The following PCDHGB2 variants were observed in gnomAD, a reference collection of about 807,000 sequenced individuals.
PCDHGB2 encodes protocadherin gamma subfamily B, 2.
In PCDHGB2, 55 loss-of-function variants were observed where a neutral mutation model predicts 59.3. The observed-to-expected ratio is 0.93, with a 90% CI of 0.75 to 1.16. The LOEUF (loss-of-function observed/expected upper bound fraction) is 1.16. Among genes scored for constraint, PCDHGB2 ranks in the 50% most tolerant of loss-of-function variants. The pLI, the probability that PCDHGB2 is intolerant of heterozygous loss-of-function variation, is 0.00. For missense variants in PCDHGB2, 1,228 were observed against 1,198.5 expected, an observed-to-expected ratio of 1.02 and a Z score of -0.36; for synonymous variants, 516 against 512.0, an observed-to-expected ratio of 1.01 and a Z score of -0.11.
intron 1 of PCDHGB2, chr5:141,372,088 C>G: frequency 1.9e-6 from 3 of 1,613,762 alleles, no homozygotes; most frequent in Non-Finnish European, 2.5e-6. Flanking sequence ...GTGCTGTACC[C>G]AGCTCTGGGG....
At chr5:141,419,962 G>A in intron 1 of PCDHGB2, 1 of 1,614,092 alleles carries the variant, frequency 6.2e-7, no homozygotes, top group African/African-American at 1.3e-5. Context: ...TGATTTCTGT[G>A]CTCTTTCTCC....
chr5:141,383,235 T>C (rs1205858909), intron 1 of PCDHGB2: 2 of 1,613,838 alleles, frequency 1.2e-6, no homozygotes, highest in Admixed American at 3.3e-5. Flanking sequence ...TGATGGAAGA[T>C]AAAATGAATC....
chr5:141,490,454 CG>C lies in PCDHGB2; in HGVS notation c.2422-4352del. ...ATTAAGCCTTCTGAGAACCACTACT[CG>C]CTGCTAACCAGCCAGCCTTTGGACC... On this transcript the variant is annotated intron_variant, in intron 1 of 3. Coordinates refer to ENST00000522605, the MANE Select transcript of PCDHGB2 (RefSeq NM_018923.3). This position sits in a 1 kb window ranked among gnomAD's most constrained non-coding sequence, Gnocchi z 5.4. The C allele has an allele frequency of 1.2e-6, 2 of 1,614,176 alleles. No individual in the cohort carries two copies. Among genetic ancestry groups the C allele is most frequent in the Non-Finnish European group, 1.7e-6 (2 of 1,180,020 alleles).
At chr5:141,409,050 G>C (rs371257178) in intron 1 of PCDHGB2, 1 of 1,613,988 alleles carries the variant, frequency 6.2e-7, no homozygotes. Context: ...TACTTCCGAA[G>C]CACTGCCCAG....
intron 1 of PCDHGB2, among the ~76,000 whole-genome samples, chr5:141,492,356 G>A (rs2099739649): frequency 6.6e-6 from 1 of 152,198 alleles, no homozygotes; most frequent in Non-Finnish European, 1.5e-5. Context: ...ACTGCCACTC[G>A]CTCGCGGCCA....
intron 1 of PCDHGB2, chr5:141,378,221 G>C (rs1378453601): frequency 6.6e-6 from 1 of 152,182 alleles, no homozygotes; most frequent in Non-Finnish European, 1.5e-5. Context: ...CTGTGTGCCT[G>C]ATAGTATTTA....
chr5:141,510,222 G>A (rs891688596), intron 3 of PCDHGB2, among the ~76,000 whole-genome samples: 3 of 151,498 alleles, frequency 2.0e-5, no homozygotes, highest in Admixed American at 6.6e-5. Context: ...GCAGTGAGCC[G>A]GGATCGCGCC....
intron 1 of PCDHGB2, chr5:141,384,406 TC>T: frequency 6.2e-7 from 1 of 1,613,908 alleles, no homozygotes; most frequent in Non-Finnish European, 8.5e-7. Flanking sequence ...TCCAGTGTCC[TC>T]CTATGTCTCC....
intron 1 of PCDHGB2, among the ~76,000 whole-genome samples, chr5:141,406,361 T>C (rs2094800900): frequency 6.6e-6 from 1 of 152,194 alleles, no homozygotes; most frequent in African/African-American, 2.4e-5. Flanking sequence ...ACTATGTTTG[T>C]AAGGGTAAAC....
chr5:141,493,336 A>G lies in PCDHGB2; in HGVS notation c.2422-1471A>G, dbSNP rs1049621539. Among the ~76,000 whole-genome samples, 4 of 152,202 alleles carry G rather than the reference A, an allele frequency of 2.6e-5. No homozygotes were observed. Among genetic ancestry groups the G allele is most frequent in the African/African-American group, 9.7e-5 (4 of 41,450 alleles). On this transcript the variant is annotated intron_variant, in intron 1 of 3. Transcript: ENST00000522605. The surrounding 1 kb of genome is among the most constrained non-coding windows in gnomAD (Gnocchi z 4.3). ...GAGATTCTAACCCCTGTCTAACTCC[A>G]GAATGTGTGCTTTTAATTTCTTGGC...
At chr5:141,387,844 G>A in intron 1 of PCDHGB2, 1 of 1,597,594 alleles carries the variant, frequency 6.3e-7, no homozygotes, top group South Asian at 1.1e-5. Flanking sequence ...TTGTAACCCG[G>A]CGTCTCCAGG....
chr5:141,403,582 G>A (rs973617374), intron 1 of PCDHGB2: 1 of 1,613,910 alleles, frequency 6.2e-7, no homozygotes, highest in Non-Finnish European at 8.5e-7. Flanking sequence ...CCCACCACCT[G>A]GTCCTCACGG....
At chr5:141,374,798 A>T in intron 1 of PCDHGB2, 1 of 1,613,784 alleles carries the variant, frequency 6.2e-7, no homozygotes, top group Non-Finnish European at 8.5e-7. Flanking sequence ...GAATGACAAC[A>T]CTCCAATGTT....
intron 1 of PCDHGB2, among the ~76,000 whole-genome samples, chr5:141,446,747 G>T (rs997132200): frequency 3.9e-5 from 6 of 152,190 alleles, no homozygotes; most frequent in Non-Finnish European, 8.8e-5. Context: ...GATTACAGGC[G>T]TGAGCCACCG....
At chr5:141,459,737 A>T (rs2098974670) in intron 1 of PCDHGB2, among the ~76,000 whole-genome samples, 1 of 152,176 alleles carries the variant, frequency 6.6e-6, no homozygotes, top group African/African-American at 2.4e-5. Flanking sequence ...CAATTTTTTA[A>T]ATTTTAGCAA....
At position 141,423,043 on chromosome 5, in the gene PCDHGB2, T is replaced by C. The variant is rs940921497; in HGVS notation, c.2421+60487T>C. 10 of 1,614,058 alleles carry C rather than the reference T, an allele frequency of 6.2e-6. No homozygotes were observed. The Admixed American group carries it at 1.5e-4, about 24-fold the overall frequency. ...AGATTCAGGCCAGAACGCCTGGCTG[T>C]CCTATCGCCTGCTTAAGGCCAGCGA... is the stretch of plus-strand genomic sequence containing the variant. On this transcript the variant is annotated intron_variant, in intron 1 of 3. Transcript: ENST00000522605.
intron 1 of PCDHGB2, chr5:141,389,757 C>A: frequency 6.2e-7 from 1 of 1,612,818 alleles, no homozygotes; most frequent in East Asian, 2.2e-5. Context: ...GGGCGAAGTG[C>A]GCACAGCGCG....
intron 1 of PCDHGB2, chr5:141,390,308 T>A (rs768472507): frequency 1.2e-6 from 2 of 1,613,092 alleles, no homozygotes; most frequent in African/African-American, 2.7e-5. Context: ...TATAATTTAA[T>A]GCTCATTGCC....
Position 141,487,933 on chromosome 5 carries a change from A to G in PCDHGB2, c.2422-6874A>G. ...CACAGGAGGCTACAGTGCACAGGGT[A>G]CAGTGCACCAGGCAGTCACTTGGAC... is the stretch of plus-strand genomic sequence containing the variant. On this transcript the variant is annotated intron_variant, in intron 1 of 3. Coordinates refer to ENST00000522605, the MANE Select transcript of PCDHGB2 (RefSeq NM_018923.3). This position sits in a 1 kb window ranked among gnomAD's most constrained non-coding sequence, Gnocchi z 5.0. 1 of 612,006 alleles carries G rather than the reference A, an allele frequency of 1.6e-6. No homozygotes were observed. Among genetic ancestry groups the G allele is most frequent in the South Asian group, 2.0e-5 (1 of 49,074 alleles). The allele number at this position is 612,006 out of a possible 1,614,324, so 37.9% of individuals were successfully genotyped here. A position where few individuals can be genotyped will look rare whatever the true frequency, so the allele number is the denominator to read the frequency against.
Sources: allele counts gnomAD v4.1 joint callset (sites outside exome capture counted in the v4.1 genomes callset), GRCh38; gene constraint gnomAD v4.1.1; non-coding constraint Gnocchi (gnomAD v3.1); transcripts MANE v1.5; gene names NCBI Gene and HGNC (gene_info 2026-07-23, HGNC 2026-07-21).